Variants in LMBRD2 observed in about 807,000 individuals in gnomAD.
LMBRD2 encodes the protein LMBR1 domain containing 2.
A neutral mutation model predicts 94.4 loss-of-function variants in LMBRD2; 55 were observed. The ratio of observed to expected loss-of-function variants is 0.58; its 90% CI spans 0.47 to 0.73. LMBRD2 has a LOEUF of 0.73. Ranked by LOEUF, LMBRD2 falls within the 30% of genes least tolerant of loss-of-function variation. The pLI is 0.00. For missense variants in LMBRD2, 640 were observed against 831.9 expected, an observed-to-expected ratio of 0.77 and a Z score of 2.84; for synonymous variants, 246 against 272.4, an observed-to-expected ratio of 0.90 and a Z score of 0.95.
rs1466436933 is a variant in LMBRD2 at position 36,098,418 on chromosome 5, C to CTAAAG, written c.*5623_*5627dup. 5 of 151,820 alleles carry CTAAAG rather than the reference C, an allele frequency of 3.3e-5. No homozygotes were observed. The highest frequency in any genetic ancestry group is 5.9e-5 in the Non-Finnish European group (4 of 67,874). 9.4% of individuals were successfully genotyped at this position (151,820 alleles called of 1,614,324 possible). On this transcript the variant is annotated 3_prime_UTR_variant, in exon 18 of 18. Transcript: ENST00000296603. ...AACATAAGAAAAAGTAATGTGAAAA[C>CTAAAG]TAAAGTACACATATTTATTTTAAAA...
chr5:36,140,696 C>T (rs902454046), intron 4 of LMBRD2, among the ~76,000 whole-genome samples: 1 of 151,762 alleles, frequency 6.6e-6, no homozygotes, highest in Non-Finnish European at 1.5e-5. Context: ...TGTTAGGGAG[C>T]ACAAGAGAGA....
intron 4 of LMBRD2, among the ~76,000 whole-genome samples, chr5:36,138,828 G>A (rs1278274058): frequency 6.6e-6 from 1 of 152,244 alleles, no homozygotes; most frequent in Non-Finnish European, 1.5e-5. Flanking sequence ...AGAGAAATGT[G>A]CATGCTTCGT....
At chr5:36,113,797 A>T (rs1743672336) in intron 13 of LMBRD2, among the ~76,000 whole-genome samples, 1 of 152,176 alleles carries the variant, frequency 6.6e-6, no homozygotes, top group South Asian at 2.1e-4. Flanking sequence ...CCTGACATGT[A>T]AAAAGAAGGA....
intron 14 of LMBRD2, among the ~76,000 whole-genome samples, chr5:36,110,887 C>G (rs1166064752): frequency 6.6e-6 from 1 of 151,968 alleles, no homozygotes; most frequent in Non-Finnish European, 1.5e-5. Flanking sequence ...AAAATGATTC[C>G]AAGACCATAC....
At chr5:36,120,737 T>A (rs1256656349) in intron 9 of LMBRD2, among the ~76,000 whole-genome samples, 1 of 152,222 alleles carries the variant, frequency 6.6e-6, no homozygotes, top group East Asian at 1.9e-4. Context: ...ACAGTCAGAC[T>A]TTTTTATCCT....
rs768838596 is a variant in LMBRD2 at position 36,108,581 on chromosome 5, T to A, written c.1850A>T (p.His617Leu). 2 of 1,597,310 alleles carry A rather than the reference T, an allele frequency of 1.3e-6. No homozygotes were observed. The highest frequency in any genetic ancestry group is 2.3e-5 in the South Asian group (2 of 88,794). ...GAAGTTTGACTCTTTGGGGTCAGTATGAATATTTCTGTTCCTAGTGGAATC... is the reference window on the plus strand; with the variant it reads ...GAAGTTTGACTCTTTGGGGTCAGTAAGAATATTTCTGTTCCTAGTGGAATC... ...REDSTRNRNIHTDPKESNFSD... is the reference protein window; with the variant it reads ...REDSTRNRNILTDPKESNFSD... Residue 617 changes from histidine (H) to leucine (L), a missense_variant, in exon 16 of 18, where the codon CAT (histidine) becomes CTT (leucine). Transcript: ENST00000296603.
intron 10 of LMBRD2, 41 bp from the exon 11 acceptor site, chr5:36,116,634 C>T: frequency 6.3e-7 from 1 of 1,587,998 alleles, no homozygotes; most frequent in South Asian, 1.1e-5. Context: ...TTAAAACAAA[C>T]AGACTTTAGC....
chr5:36,117,796 A>G lies in LMBRD2; in HGVS notation c.1241T>C (p.Leu414Ser). The G allele has an allele frequency of 6.2e-7, 1 of 1,613,834 alleles. No homozygotes were observed. The highest frequency in any genetic ancestry group is 8.5e-7 in the Non-Finnish European group (1 of 1,179,806). Residue 414 changes from leucine (L) to serine (S), a missense_variant, in exon 10 of 18, where the codon TTA becomes TCA. By Grantham distance (145) the Leu-to-Ser change is moderately radical (BLOSUM62 -2). This residue lies in a region of LMBRD2 where 457 missense variants were observed against 642.8 expected (regional missense o/e 0.71). Coordinates refer to ENST00000296603, the MANE Select transcript of LMBRD2 (RefSeq NM_001007527.2). ...CTGTATGAAGACCGCAAAGAGGGAT[A>G]AGACAGGAGTAGTGCTAAAGAATGT... ...ECTFFSTTPV[L>S]SLFAVFIQLA...
At chr5:36,121,124 T>C (rs1436950343) in intron 9 of LMBRD2, among the ~76,000 whole-genome samples, 2 of 152,246 alleles carry the variant, frequency 1.3e-5, no homozygotes, top group Non-Finnish European at 2.9e-5. Flanking sequence ...AGAATCTTTA[T>C]GCCTTTATAT....
intron 4 of LMBRD2, among the ~76,000 whole-genome samples, chr5:36,138,966 G>C (rs952241450): frequency 6.6e-6 from 1 of 152,176 alleles, no homozygotes; most frequent in African/African-American, 2.4e-5. Context: ...AGTGTGGGGG[G>C]ACTGGCGGGG....
intron 14 of LMBRD2, among the ~76,000 whole-genome samples, chr5:36,110,204 G>A (rs1480195115): frequency 4.6e-5 from 7 of 152,074 alleles, no homozygotes; most frequent in African/African-American, 7.2e-5. Flanking sequence ...TGTAGTCTCC[G>A]CTTAAATAAC....
chr5:36,122,566 C>A, intron 8 of LMBRD2, 103 bp from the exon 9 acceptor site: 2 of 1,041,100 alleles, frequency 1.9e-6, no homozygotes, highest in Non-Finnish European at 2.8e-6. Context: ...TGGGAAAGTG[C>A]TAGGGCATTT....
intron 6 of LMBRD2, among the ~76,000 whole-genome samples, chr5:36,133,994 A>G (rs1342280866): frequency 6.6e-6 from 1 of 151,920 alleles, no homozygotes; most frequent in Non-Finnish European, 1.5e-5. Flanking sequence ...TTTTGGATGG[A>G]ACGCTATCAA....
rs539027197 is a variant in LMBRD2 at position 36,129,849 on chromosome 5, T to C, written c.748-5584A>G. 3.9e-5 allele frequency among the ~76,000 whole-genome samples: 6 copies of C among 152,266 alleles called. No individual in the cohort carries two copies. The South Asian group carries it at 1.2e-3, about 32-fold the overall frequency. ...GGCACATATACACCATGGAATACTA[T>C]GCAGCCATAAAAAAGGATGAGTTCA... is the stretch of plus-strand genomic sequence containing the variant. On this transcript the variant is annotated intron_variant, in intron 6 of 17. Transcript: ENST00000296603.
chr5:36,141,084 T>G (rs1744397772), intron 4 of LMBRD2, 23 bp downstream of exon 4: 1 of 1,409,712 alleles, frequency 7.1e-7, no homozygotes. Flanking sequence ...ATTTTAAAAA[T>G]TTTATCATTT....
chr5:36,135,706 A>G (rs1744255736), intron 6 of LMBRD2, among the ~76,000 whole-genome samples: 1 of 152,212 alleles, frequency 6.6e-6, no homozygotes, highest in Non-Finnish European at 1.5e-5. Flanking sequence ...ATCCATAACA[A>G]AATTTTTATT....
intron 1 of LMBRD2, among the ~76,000 whole-genome samples, chr5:36,146,022 A>G (rs1456370429): frequency 6.6e-6 from 1 of 152,240 alleles, no homozygotes; most frequent in Non-Finnish European, 1.5e-5. Context: ...ACCTGACACT[A>G]GCTATTAATT....
chr5:36,138,598 C>T (rs1744328460), intron 4 of LMBRD2, among the ~76,000 whole-genome samples: 1 of 152,166 alleles, frequency 6.6e-6, no homozygotes. Flanking sequence ...GGGGGCATTG[C>T]TAATGTTCTA....
chr5:36,127,664 T>C (rs1287681504), intron 6 of LMBRD2, among the ~76,000 whole-genome samples: 1 of 152,146 alleles, frequency 6.6e-6, no homozygotes, highest in Non-Finnish European at 1.5e-5. Flanking sequence ...GTAGTGGCCA[T>C]GGAGAGAGAC....
Sources: allele counts gnomAD v4.1 joint callset (sites outside exome capture counted in the v4.1 genomes callset), GRCh38; gene constraint gnomAD v4.1.1; regional missense constraint gnomAD v4.1.1; transcripts MANE v1.5; gene names NCBI Gene and HGNC (gene_info 2026-07-23, HGNC 2026-07-21).